Variants in SKIC2 observed in about 807,000 individuals in gnomAD.
SKIC2 encodes superkiller complex protein 2.
the SKIC2 span, chr6:31,961,517 C>CT: frequency 6.4e-7 from 1 of 1,572,252 alleles, no homozygotes; most frequent in Non-Finnish European, 8.6e-7. Context: ...CTGGTTGTAT[C>CT]TTTATCACTG....
the SKIC2 span, chr6:31,962,945 C>G: frequency 3.3e-6 from 5 of 1,499,742 alleles, no homozygotes; most frequent in Non-Finnish European, 4.6e-6. The surrounding 1 kb of genome is among the most constrained non-coding windows in gnomAD (Gnocchi z 5.0). Flanking sequence ...GAAGGGCGGC[C>G]CCTGCCCTCA....
chr6:31,968,972 C>G, the SKIC2 span: 1 of 1,612,962 alleles, frequency 6.2e-7, no homozygotes, highest in Middle Eastern at 1.7e-4. The surrounding 1 kb of genome is among the most constrained non-coding windows in gnomAD (Gnocchi z 6.1). Flanking sequence ...TCACTGAGCT[C>G]ATGTTTGACA....
chr6:31,959,429 C>T, the SKIC2 span: 5 of 1,506,052 alleles, frequency 3.3e-6, no homozygotes, highest in Non-Finnish European at 4.6e-6. Context: ...TAACCTTTGA[C>T]CCGCATTGAG....
At chr6:31,961,835 TGCGTGCTCCATGA>T in the SKIC2 span, 1 of 1,586,098 alleles carries the variant, frequency 6.3e-7, no homozygotes, top group Non-Finnish European at 8.6e-7. Context: ...CCGCCCGCCC[TGCGTGCTCCATGA>T]GCAGGAGGCA....
the SKIC2 span, chr6:31,966,681 C>T: frequency 1.9e-6 from 3 of 1,613,530 alleles, no homozygotes; most frequent in Non-Finnish European, 2.5e-6. The surrounding 1 kb of genome is among the most constrained non-coding windows in gnomAD (Gnocchi z 5.9). Flanking sequence ...CCACCCTGAT[C>T]TCAGTGACTT....
the SKIC2 span, chr6:31,967,215 A>C: frequency 3.1e-6 from 5 of 1,609,004 alleles, no homozygotes; most frequent in Non-Finnish European, 3.4e-6. This position sits in a 1 kb window ranked among gnomAD's most constrained non-coding sequence, Gnocchi z 4.9. Context: ...GTGCTACTAA[A>C]CTTAGTCCAA....
the SKIC2 span, chr6:31,960,269 G>A: frequency 5.0e-6 from 8 of 1,613,208 alleles, no homozygotes; most frequent in Non-Finnish European, 6.8e-6. Flanking sequence ...TGTCCTGGGA[G>A]CCCCAGTCCC....
chr6:31,964,198 T>G, the SKIC2 span: 1 of 1,608,828 alleles, frequency 6.2e-7, no homozygotes, highest in Non-Finnish European at 8.5e-7. The surrounding 1 kb of genome is among the most constrained non-coding windows in gnomAD (Gnocchi z 5.0). Context: ...GTTCCGAGAC[T>G]CCATCCCTGA....
the SKIC2 span, chr6:31,961,224 A>C: frequency 6.2e-7 from 1 of 1,614,036 alleles, no homozygotes; most frequent in African/African-American, 1.3e-5. Flanking sequence ...CTGGACTACT[A>C]AGCCTTAGCT....
chr6:31,961,911 G>A, the SKIC2 span: 1 of 1,613,016 alleles, frequency 6.2e-7, no homozygotes, highest in Non-Finnish European at 8.5e-7. Context: ...TCCCATAGTG[G>A]GCATTTGAGC....
chr6:31,962,124 T>G, the SKIC2 span: 2 of 1,505,496 alleles, frequency 1.3e-6, no homozygotes, highest in Admixed American at 3.4e-5. The surrounding 1 kb of genome is among the most constrained non-coding windows in gnomAD (Gnocchi z 5.0). Context: ...TTTGAAAATC[T>G]CATCTCTTCC....
At chr6:31,963,008 G>A in the SKIC2 span, 3 of 1,612,366 alleles carry the variant, frequency 1.9e-6, no homozygotes, top group East Asian at 4.5e-5. This position sits in a 1 kb window ranked among gnomAD's most constrained non-coding sequence, Gnocchi z 5.3. Context: ...GGGAGGAGGT[G>A]CTTATCATGC....
At chr6:31,968,994 A>G in the SKIC2 span, 1 of 1,612,852 alleles carries the variant, frequency 6.2e-7, no homozygotes, top group Non-Finnish European at 8.5e-7. This position sits in a 1 kb window ranked among gnomAD's most constrained non-coding sequence, Gnocchi z 6.1. Flanking sequence ...TGCACTGAGC[A>G]CCCTGCGGCC....
the SKIC2 span, chr6:31,964,049 C>T: frequency 8.1e-6 from 13 of 1,612,488 alleles, no homozygotes; most frequent in South Asian, 4.4e-5. This position sits in a 1 kb window ranked among gnomAD's most constrained non-coding sequence, Gnocchi z 5.0. Flanking sequence ...ACCACCAGTT[C>T]GGAGAAGAGC....
At chr6:31,963,575 G>A in the SKIC2 span, 1 of 1,552,708 alleles carries the variant, frequency 6.4e-7, no homozygotes, top group African/African-American at 1.4e-5. This position sits in a 1 kb window ranked among gnomAD's most constrained non-coding sequence, Gnocchi z 5.3. Context: ...CCTCGAGATG[G>A]GGGAAAGAGT....
At chr6:31,960,939 T>C in the SKIC2 span, 4 of 979,002 alleles carry the variant, frequency 4.1e-6, no homozygotes, top group Non-Finnish European at 6.6e-6. Context: ...AACATCCCTA[T>C]CTACAGCATC....
At chr6:31,959,383 GGAGCTCCAGA>G in the SKIC2 span, 1 of 1,613,184 alleles carries the variant, frequency 6.2e-7, no homozygotes, top group Non-Finnish European at 8.5e-7. Flanking sequence ...GAACTTGCCT[GGAGCTCCAGA>G]GAGTAGCGTG....
At chr6:31,960,480 C>CGCCGGCCTCCAGG in the SKIC2 span, 1 of 1,614,140 alleles carries the variant, frequency 6.2e-7, no homozygotes, top group Non-Finnish European at 8.5e-7. Context: ...CTTGTCTCTT[C>CGCCGGCCTCCAGG]GCCGGCCTCC....
chr6:31,963,417 C>CTGAAGCG, the SKIC2 span: 1 of 1,562,746 alleles, frequency 6.4e-7, no homozygotes, highest in Admixed American at 2.0e-5. The surrounding 1 kb of genome is among the most constrained non-coding windows in gnomAD (Gnocchi z 5.3). Flanking sequence ...CTTCAGGCGG[C>CTGAAGCG]TGAAGCGTCG....
Sources: gnomAD v4.1 joint callset for allele counts on GRCh38, gnomAD v4.1.1 for gene constraint, Gnocchi (gnomAD v3.1) non-coding constraint, MANE v1.5 for transcripts, NCBI Gene and HGNC (gene_info 2026-07-23, HGNC 2026-07-21) for gene names.